Variants in FAM181A observed in about 807,000 individuals in gnomAD.
The protein encoded by FAM181A is protein FAM181A.
In FAM181A, 7 loss-of-function variants were observed where a neutral mutation model predicts 16.3. That is an observed-to-expected ratio of 0.43 (90% confidence interval 0.24 to 0.81). The LOEUF is 0.81. FAM181A is among the 30% of genes least tolerant of loss of function. The pLI is 0.24. For missense variants in FAM181A, 349 were observed against 377.5 expected, an observed-to-expected ratio of 0.92 and a Z score of 0.63; for synonymous variants, 183 against 164.9, an observed-to-expected ratio of 1.11 and a Z score of -0.84.
At chr14:93,927,642 G>C (rs1053069242) in intron 1 of FAM181A, 188 bp downstream of exon 1, 84 of 1,283,534 alleles carry the variant, frequency 6.5e-5, no homozygotes, top group Non-Finnish European at 8.3e-5. Context: ...TCTCGATTAA[G>C]TGCCAGACAG....
upstream of FAM181A, chr14:93,925,501 G>C (rs11160153): frequency 0.5 from 351,916 of 701,436 alleles, 90,392 homozygotes; most frequent in East Asian, 0.6. Context: ...CTTCAGCCAC[G>C]CGTGCCAGAT....
rs764387512 is a variant in FAM181A at position 93,928,453 on chromosome 14, G to A, written c.168G>A (p.Pro56=). ...KRFSQKYSRL[P]RGLPGRAAEP... is the part of the protein sequence containing the mutation. ...TCTCCCAGAAGTATTCCCGGCTCCC[G>A]CGGGGCCTTCCTGGCAGAGCTGCTG... The change falls in exon 2 of 2, where the codon CCG becomes CCA. Residue 56 remains proline, a synonymous_variant. Transcript: ENST00000556222. 8 of 1,611,658 alleles carry A rather than the reference G, an allele frequency of 5.0e-6. No individual in the cohort carries two copies. Among genetic ancestry groups the A allele is most frequent in the African/African-American group, 1.3e-5 (1 of 74,908 alleles).
intron 1 of FAM181A, chr14:93,922,286 G>A (rs1019871872): frequency 3.9e-5 from 6 of 152,230 alleles, no homozygotes; most frequent in Non-Finnish European, 7.3e-5. Context: ...AAGGTGACAC[G>A]CTAGGCTGCT....
At position 93,928,936 on chromosome 14, in the gene FAM181A, G is replaced by C; in HGVS notation, c.651G>C (p.Gln217His). 1 of 1,614,112 alleles carries C rather than the reference G, an allele frequency of 6.2e-7. No individual in the cohort carries two copies. The highest frequency in any genetic ancestry group is 8.5e-7 in the Non-Finnish European group (1 of 1,179,994). ...ATGCCTGGAGTTGCTGCCCCTTCCA[G>C]TACCATGGACAGCCCATCTATCCGG... is the stretch of plus-strand genomic sequence containing the variant. Reference protein sequence around the residue: ...RVNAWSCCPFQYHGQPIYPGP... With the variant: ...RVNAWSCCPFHYHGQPIYPGP... The change falls in exon 2 of 2, where the codon CAG becomes CAC. Residue 217 changes from glutamine to histidine, a missense_variant. Gln to His is a conservative substitution (Grantham distance 24). Transcript: ENST00000556222.
chr14:93,921,699 G>A (rs1312367316), intron 1 of FAM181A, among the ~76,000 whole-genome samples: 1 of 152,176 alleles, frequency 6.6e-6, no homozygotes, highest in African/African-American at 2.4e-5. Context: ...GGTCGGTCGG[G>A]CCTAACTCTC....
In FAM181A at chr14:93,928,629, C is replaced by T. The variant is rs146610474; in HGVS notation, c.344C>T (p.Pro115Leu). 3.6e-5 allele frequency: 58 copies of T among 1,613,984 alleles called. No homozygotes were observed. Among genetic ancestry groups the T allele is most frequent in the Non-Finnish European group, 4.2e-5 (50 of 1,179,984 alleles). Residue 115 changes from proline (P) to leucine (L), a missense_variant, in exon 2 of 2, where the codon CCA becomes CTA. Coordinates refer to ENST00000556222, the MANE Select transcript of FAM181A (RefSeq NM_001207073.2). Reference protein sequence around the residue: ...REECLAKEQLPQRQHPEAAQP... With the variant: ...REECLAKEQLLQRQHPEAAQP... ...GAATGTCTTGCTAAGGAGCAGCTCC[C>T]ACAGAGGCAGCATCCAGAAGCTGCC... is the stretch of plus-strand genomic sequence containing the variant.
At chr14:93,922,892 A>G (rs970976731), upstream of FAM181A, among the ~76,000 whole-genome samples, 3 of 152,334 alleles carry the variant, frequency 2.0e-5, no homozygotes, top group African/African-American at 7.2e-5. Flanking sequence ...TTGTTTGCAA[A>G]TAAGTAGAAG....
Position 93,928,684 on chromosome 14 carries a change from A to G in FAM181A, c.399A>G (p.Arg133=), listed in dbSNP as rs1595290602. 6.2e-7 allele frequency: 1 copy of G among 1,613,948 alleles called. No homozygotes were observed. The highest frequency in any genetic ancestry group is 8.5e-7 in the Non-Finnish European group (1 of 1,179,976). ...AQPGQVPMRK[R]QLPASFWEEP... ...CTGGCCAGGTGCCCATGAGGAAAAG[A>G]CAGCTGCCCGCTTCCTTCTGGGAAG... Residue 133 remains arginine (R), a synonymous_variant, in exon 2 of 2, where the codon AGA becomes AGG. Coordinates refer to ENST00000556222, the MANE Select transcript of FAM181A (RefSeq NM_001207073.2).
chr14:93,927,803 G>C (rs963402184), intron 1 of FAM181A, among the ~76,000 whole-genome samples: 1 of 152,048 alleles, frequency 6.6e-6, no homozygotes, highest in Non-Finnish European at 1.5e-5. Flanking sequence ...AAGAGGAACA[G>C]TTGCCTCAGC....
chr14:93,921,445 G>A (rs1220750586), intron 1 of FAM181A, among the ~76,000 whole-genome samples: 2 of 152,230 alleles, frequency 1.3e-5, no homozygotes, highest in East Asian at 3.9e-4. Flanking sequence ...AGCACAGGAA[G>A]CCCTCGGCCT....
At position 93,929,136 on chromosome 14, in the gene FAM181A, C is replaced by A. The variant is rs1888057571; in HGVS notation, c.851C>A (p.Pro284His). Residue 284 changes from proline (P) to histidine (H), a missense_variant, in exon 2 of 2, where the codon CCC becomes CAC. Pro to His is a moderately conservative substitution (Grantham distance 77). Coordinates refer to ENST00000556222, the MANE Select transcript of FAM181A (RefSeq NM_001207073.2). ...CCCACCAAGCCAGCCGTGCCCCCAC[C>A]CATCTTCAATGTCTTTGGCTACCTC... ...PIPTKPAVPP[P>H]IFNVFGYL 1.3e-6 allele frequency: 2 copies of A among 1,520,910 alleles called. No individual in the cohort carries two copies. The highest frequency in any genetic ancestry group is 2.2e-5 in the Admixed American group (1 of 45,664). 94.2% of individuals were successfully genotyped at this position (1,520,910 alleles called of 1,614,324 possible). A position where few individuals can be genotyped will look rare whatever the true frequency, so the allele number is the denominator to read the frequency against.
At chr14:93,920,230 A>G (rs1279181198) in intron 1 of FAM181A, among the ~76,000 whole-genome samples, 2 of 152,094 alleles carry the variant, frequency 1.3e-5, no homozygotes, top group South Asian at 2.1e-4. Flanking sequence ...CCTGGGAAAA[A>G]CAGTAAGACC....
At position 93,928,549 on chromosome 14, in the gene FAM181A, C is replaced by A; in HGVS notation, c.264C>A (p.Ser88Arg). The A allele has an allele frequency of 6.2e-7, 1 of 1,612,878 alleles. No individual in the cohort carries two copies. Among genetic ancestry groups the A allele is most frequent in the South Asian group, 1.1e-5 (1 of 91,064 alleles). ...TCCTGGATTTGGGCCCTGATTCCAG[C>A]CCCGGCGGGGGTGGGGGCTGCAAGG... is the stretch of plus-strand genomic sequence containing the variant. ...RLLLDLGPDS[S>R]PGGGGGCKEK... The change falls in exon 2 of 2, where the codon AGC (serine) becomes AGA (arginine). Residue 88 changes from serine (S) to arginine (R), a missense_variant. Transcript: ENST00000556222.
chr14:93,928,815 T>C lies in FAM181A; in HGVS notation c.530T>C (p.Leu177Pro), dbSNP rs1218755017. Reference protein sequence around the residue: ...GKKNCKGLEPLGPETTLVSMS... With the variant: ...GKKNCKGLEPPGPETTLVSMS... ...AAAAATTGCAAGGGCTTGGAGCCCCTGGGACCTGAGACTACCCTGGTGTCC... is the reference window on the plus strand; with the variant it reads ...AAAAATTGCAAGGGCTTGGAGCCCCCGGGACCTGAGACTACCCTGGTGTCC... The change falls in exon 2 of 2, where the codon CTG (leucine) becomes CCG (proline). Residue 177 changes from leucine to proline, a missense_variant. By Grantham distance (98) the Leu-to-Pro change is moderately conservative. Transcript: ENST00000556222. 1 of 1,614,000 alleles carries C rather than the reference T, an allele frequency of 6.2e-7. No individual in the cohort carries two copies. Among genetic ancestry groups the C allele is most frequent in the South Asian group, 1.1e-5 (1 of 91,086 alleles).
chr14:93,923,598 A>G (rs1276007592), upstream of FAM181A: 1 of 152,276 alleles, frequency 6.6e-6, no homozygotes, highest in Non-Finnish European at 1.5e-5. Flanking sequence ...TGGTCCCTGC[A>G]CACAGTAGGT....
chr14:93,922,754 T>C (rs566786982), upstream of FAM181A, among the ~76,000 whole-genome samples: 1 of 152,350 alleles, frequency 6.6e-6, no homozygotes, highest in East Asian at 1.9e-4. Context: ...CTTCTCTCTC[T>C]AAACCAAGAT....
intron 1 of FAM181A, 196 bp downstream of exon 1, chr14:93,927,650 CAG>C (rs1567012400): frequency 7.8e-7 from 1 of 1,280,722 alleles, no homozygotes; most frequent in East Asian, 5.7e-5. Flanking sequence ...AAGTGCCAGA[CAG>C]GGGTCCTGCC....
At chr14:93,919,042 T>G (rs891574266) in intron 1 of FAM181A, 1 of 152,024 alleles carries the variant, frequency 6.6e-6, no homozygotes, top group Non-Finnish European at 1.5e-5. Context: ...GGGGCGTGAA[T>G]GTGGGGCGGT....
chr14:93,928,896 T>G lies in FAM181A; in HGVS notation c.611T>G (p.Leu204Trp). 1 of 1,614,176 alleles carries G rather than the reference T, an allele frequency of 6.2e-7. No individual in the cohort carries two copies. The highest frequency in any genetic ancestry group is 2.2e-5 in the East Asian group (1 of 44,880). Residue 204 changes from leucine to tryptophan, a missense_variant, in exon 2 of 2, where the codon TTG becomes TGG. Transcript: ENST00000556222. ...CCGCTCAAGATGCCTGGGGTCTCCT[T>G]GGTGGGCCGCGTCAATGCCTGGAGT... ...KEPLKMPGVS[L>W]VGRVNAWSCC...
Sources: gnomAD v4.1 joint callset for allele counts (sites outside exome capture counted in the v4.1 genomes callset) on GRCh38, gnomAD v4.1.1 for gene constraint, MANE v1.5 for transcripts, NCBI Gene and HGNC (gene_info 2026-07-23, HGNC 2026-07-21) for gene names.